DDI2: variants seen among roughly 807,000 people sequenced by gnomAD.
The protein encoded by DDI2 is DDI proteasomal shuttling factor 2.
DDI2 carries 5 observed loss-of-function variants against 48.1 expected under a neutral mutation model. The observed-to-expected ratio is 0.10, with a 90% CI of 0.05 to 0.22. The LOEUF (loss-of-function observed/expected upper bound fraction) is 0.22, where lower values mean the gene tolerates loss of function less well. DDI2 is among the 10% of genes least tolerant of loss of function. DDI2 has a pLI of 1.00. For synonymous variants in DDI2, 205 were observed against 183.6 expected (o/e 1.12, Z -0.94); for missense variants, 285 against 506.2 (o/e 0.56, Z 4.19).
intron 1 of DDI2, among the ~76,000 whole-genome samples, 199 bp from the exon 2 acceptor site, chr1:15,626,470 G>A (rs1235146703): frequency 6.6e-6 from 1 of 152,210 alleles, no homozygotes; most frequent in Non-Finnish European, 1.5e-5. Flanking sequence ...GAAAGGCGAA[G>A]TCAGGAGAGC....
At chr1:15,639,951 A>G (rs1171116173) in intron 5 of DDI2, among the ~76,000 whole-genome samples, 5 of 151,900 alleles carry the variant, frequency 3.3e-5, no homozygotes, top group African/African-American at 1.2e-4. Context: ...GGCAGAGGTC[A>G]GGGCTTGCAG....
chr1:15,618,991 G>A (rs1253113799), intron 1 of DDI2, among the ~76,000 whole-genome samples: 1 of 152,228 alleles, frequency 6.6e-6, no homozygotes, highest in Non-Finnish European at 1.5e-5. Flanking sequence ...TTGGCATAAA[G>A]CTGTTCAGAA....
chr1:15,622,403 A>G (rs1032401388), intron 1 of DDI2, among the ~76,000 whole-genome samples: 1 of 152,172 alleles, frequency 6.6e-6, no homozygotes, highest in Non-Finnish European at 1.5e-5. Flanking sequence ...GAGACCAGAA[A>G]ACACCTGACC....
intron 8 of DDI2, among the ~76,000 whole-genome samples, chr1:15,653,882 GAAATCAT>G (rs1557623189): frequency 1.3e-5 from 2 of 152,134 alleles, no homozygotes; most frequent in African/African-American, 2.4e-5. Flanking sequence ...TGTATATATT[GAAATCAT>G]GCTACCTAAT....
rs758350022 is a variant in DDI2, at chr1:15,626,731, A to G, written c.201A>G (p.Lys67=). 6.2e-7 allele frequency: 1 copy of G among 1,614,112 alleles called. No homozygotes were observed. The highest frequency in any genetic ancestry group is 1.3e-5 in the African/African-American group (1 of 74,942). The part of the protein sequence containing the change: ...NHRSLASYGL[K]DGDVVILRQK... ...GATCATTGGCTTCTTATGGCTTGAA[A>G]GATGGGGACGTTGTGATTTTACGAC... The change falls in exon 2 of 10, where the codon AAA becomes AAG. Residue 67 remains lysine (K), a synonymous_variant. Coordinates refer to ENST00000480945, the MANE Select transcript of DDI2 (RefSeq NM_032341.5).
chr1:15,630,284 G>A (rs751503696), intron 2 of DDI2, 41 bp from the exon 3 acceptor site: 2 of 1,596,288 alleles, frequency 1.3e-6, no homozygotes, highest in South Asian at 1.1e-5. Flanking sequence ...GCTTGTTTTT[G>A]TAGAGTAATT....
intron 3 of DDI2, 49 bp downstream of exon 3, chr1:15,630,610 G>A (rs1159113214): frequency 2.3e-6 from 3 of 1,296,300 alleles, no homozygotes; most frequent in Non-Finnish European, 3.4e-6. Flanking sequence ...AGGTGAAGAA[G>A]CTGTGTCATA....
At chr1:15,648,793 G>A (rs1348999732) in intron 6 of DDI2, among the ~76,000 whole-genome samples, 3 of 140,984 alleles carry the variant, frequency 2.1e-5, no homozygotes, top group African/African-American at 8.2e-5. Context: ...CTTGAGCCTA[G>A]GAGTTTGAGA....
intron 1 of DDI2, among the ~76,000 whole-genome samples, chr1:15,624,310 C>G (rs1303538322): frequency 6.6e-6 from 1 of 152,152 alleles, no homozygotes; most frequent in Non-Finnish European, 1.5e-5. Context: ...TTTTTCCAAG[C>G]AGTCTCACAA....
chr1:15,649,893 A>G, intron 7 of DDI2, 70 bp downstream of exon 7: 1 of 1,446,534 alleles, frequency 6.9e-7, no homozygotes, highest in Non-Finnish European at 9.4e-7. Context: ...CATTATTTTT[A>G]TTGGTTACAT....
chr1:15,651,882 A>G lies in DDI2; in HGVS notation c.1170A>G (p.Ser390=). The G allele has an allele frequency of 1.2e-6, 2 of 1,613,658 alleles. No homozygotes were observed. The highest frequency in any genetic ancestry group is 1.7e-6 in the Non-Finnish European group (2 of 1,179,818). ...DQELAEALQK[S]AEDAERQKP ...AATTAGCAGAAGCCCTTCAAAAATC[A>G]GCAGAGGATGCAGGTATTTGGGATG... is the stretch of plus-strand genomic sequence containing the variant. Residue 390 remains serine (S), a synonymous_variant, in exon 8 of 10, where the codon TCA becomes TCG. Coordinates refer to ENST00000480945, the MANE Select transcript of DDI2 (RefSeq NM_032341.5).
chr1:15,661,586 C>A lies in DDI2; in HGVS notation c.*1796C>A. 2 of 1,614,192 alleles carry A rather than the reference C, an allele frequency of 1.2e-6. No homozygotes were observed. Among genetic ancestry groups the A allele is most frequent in the African/African-American group, 2.7e-5 (2 of 75,032 alleles). On this transcript the variant is annotated 3_prime_UTR_variant, in exon 10 of 10. Coordinates refer to ENST00000480945, the MANE Select transcript of DDI2 (RefSeq NM_032341.5). ...GCCATTCTTCCACCATTGATTTTTCCTGCCACAGATATTGACCGCATTCTC... is the reference window on the plus strand; with the variant it reads ...GCCATTCTTCCACCATTGATTTTTCATGCCACAGATATTGACCGCATTCTC...
chr1:15,625,303 A>G (rs914479967), intron 1 of DDI2, among the ~76,000 whole-genome samples: 7 of 152,188 alleles, frequency 4.6e-5, no homozygotes, highest in Non-Finnish European at 8.8e-5. Flanking sequence ...ACTGGCAAGG[A>G]TAGAACTCAT....
chr1:15,654,997 G>A (rs958528662), intron 8 of DDI2, among the ~76,000 whole-genome samples: 1 of 148,234 alleles, frequency 6.7e-6, no homozygotes, highest in Non-Finnish European at 1.5e-5. Context: ...AGAAACATTA[G>A]CTGATAATAG....
In DDI2 at chr1:15,663,370, T is replaced by C. The variant is rs1383382829; in HGVS notation, c.*3580T>C. On this transcript the variant is annotated 3_prime_UTR_variant, in exon 10 of 10. Transcript: ENST00000480945. Reference sequence around the variant, plus strand: ...ACATTTTTTTCTACCCCATCCAACTTCTTTCTTTCCTTTTGCTATGATGTT... The same window carrying C: ...ACATTTTTTTCTACCCCATCCAACTCCTTTCTTTCCTTTTGCTATGATGTT... 6.6e-6 allele frequency: 1 copy of C among 152,322 alleles called. No homozygotes were observed. The highest frequency in any genetic ancestry group is 3.4e-3 in the Middle Eastern group (1 of 294). 9.4% of individuals were successfully genotyped at this position (152,322 alleles called of 1,614,324 possible). A position where few individuals can be genotyped will look rare whatever the true frequency, so the allele number is the denominator to read the frequency against.
chr1:15,623,338 G>A (rs74808721), intron 1 of DDI2, among the ~76,000 whole-genome samples: 2 of 150,996 alleles, frequency 1.3e-5, no homozygotes, highest in South Asian at 2.1e-4. Flanking sequence ...TGATACTCCT[G>A]GAGTAATGGG....
At chr1:15,640,103 T>C (rs957816329) in intron 5 of DDI2, among the ~76,000 whole-genome samples, 2 of 151,872 alleles carry the variant, frequency 1.3e-5, no homozygotes, top group East Asian at 1.9e-4. Context: ...GTTTAAAAAA[T>C]ATCTGTTGTG....
rs1440499951 is a variant in DDI2, at chr1:15,664,287, TG to T, written c.*4500del. ...TCTACTAAAAATACAAAAAATTAGC[TG>T]GGCATGGTGGCACACGCCTGTAATC... is the stretch of plus-strand genomic sequence containing the variant. On this transcript the variant is annotated 3_prime_UTR_variant, in exon 10 of 10. Coordinates refer to ENST00000480945, the MANE Select transcript of DDI2 (RefSeq NM_032341.5). 6.6e-6 allele frequency: 1 copy of T among 152,078 alleles called. No homozygotes were observed. Among genetic ancestry groups the T allele is most frequent in the Non-Finnish European group, 1.5e-5 (1 of 67,998 alleles). 9.4% of individuals were successfully genotyped at this position (152,078 alleles called of 1,614,324 possible).
In DDI2 at chr1:15,661,373, A is replaced by T; in HGVS notation, c.*1583A>T. The T allele has an allele frequency of 6.2e-7, 1 of 1,614,186 alleles. No homozygotes were observed. On this transcript the variant is annotated 3_prime_UTR_variant, in exon 10 of 10. Transcript: ENST00000480945. ...CCCAAACTTTTAGCAGGTGAGGAGG[A>T]TGCACTCAATCAGACTTCTGAGCAA...
Sources: allele counts gnomAD v4.1 joint callset (sites outside exome capture counted in the v4.1 genomes callset), GRCh38; gene constraint gnomAD v4.1.1; transcripts MANE v1.5; gene names NCBI Gene and HGNC (gene_info 2026-07-23, HGNC 2026-07-21).